CDC42BPB: variants seen among roughly 807,000 people sequenced by gnomAD.
CDC42BPB encodes serine/threonine-protein kinase MRCK beta.
CDC42BPB carries 37 observed loss-of-function variants against 214.9 expected under a neutral mutation model. The observed-to-expected ratio is 0.17, with a 90% confidence interval of 0.13 to 0.23. The LOEUF is 0.23. CDC42BPB is among the 10% of genes least tolerant of loss of function. The pLI, the probability that CDC42BPB is intolerant of heterozygous loss-of-function variation, is 1.00. For missense variants in CDC42BPB, 1,694 were observed against 2,227.0 expected (o/e 0.76, Z 4.82); for synonymous variants, 931 against 884.0 (o/e 1.05, Z -0.94).
At chr14:102,940,571 AGTACAGAT>A in intron 30 of CDC42BPB, 1 of 1,026,892 alleles carries the variant, frequency 9.7e-7, no homozygotes, top group East Asian at 2.8e-5. Flanking sequence ...TGAATACTAC[AGTACAGAT>A]GTTGAAGGTG....
At chr14:103,032,552 A>G (rs1459828000) in intron 1 of CDC42BPB, among the ~76,000 whole-genome samples, 9 of 151,256 alleles carry the variant, frequency 6.0e-5, no homozygotes, top group African/African-American at 1.7e-4. Context: ...AAAAAAAAAA[A>G]AAAAGGAGAG....
At chr14:102,939,187 C>T (rs1891777591) in intron 34 of CDC42BPB, among the ~76,000 whole-genome samples, 1 of 152,186 alleles carries the variant, frequency 6.6e-6, no homozygotes, top group East Asian at 1.9e-4. Flanking sequence ...GATCCGCCCG[C>T]CTCGGCCTCC....
intron 36 of CDC42BPB, 119 bp downstream of exon 36, chr14:102,937,985 A>T: frequency 9.5e-7 from 1 of 1,055,204 alleles, no homozygotes; most frequent in Non-Finnish European, 1.5e-6. Context: ...TCACCCTCAC[A>T]CCGCAAGTGG....
At chr14:103,056,883 G>C in intron 1 of CDC42BPB, 116 bp downstream of exon 1, 2 of 671,536 alleles carry the variant, frequency 3.0e-6, no homozygotes, top group East Asian at 3.5e-5. Context: ...CCACGAGCTG[G>C]GTGGGCAGGA....
At chr14:103,050,701 G>A (rs1888552266) in intron 1 of CDC42BPB, among the ~76,000 whole-genome samples, 1 of 152,130 alleles carries the variant, frequency 6.6e-6, no homozygotes, top group Non-Finnish European at 1.5e-5. Context: ...AGGCTGCAGT[G>A]AGACATGACA....
At chr14:103,028,868 C>A (rs1887192727) in intron 1 of CDC42BPB, among the ~76,000 whole-genome samples, 1 of 152,164 alleles carries the variant, frequency 6.6e-6, no homozygotes, top group South Asian at 2.1e-4. Flanking sequence ...AAAACAAATT[C>A]ATGCCAGGGA....
At chr14:103,034,232 T>A (rs1447722544) in intron 1 of CDC42BPB, among the ~76,000 whole-genome samples, 1 of 152,188 alleles carries the variant, frequency 6.6e-6, no homozygotes, top group African/African-American at 2.4e-5. Flanking sequence ...TTAAAAACAT[T>A]TAAGGCCAGG....
At position 102,944,706 on chromosome 14, in the gene CDC42BPB, C is replaced by T. The variant is rs528268782; in HGVS notation, c.3812-219G>A. The T allele has an allele frequency of 4.1e-5, 40 of 979,880 alleles. No individual in the cohort carries two copies. The highest frequency in any genetic ancestry group is 4.7e-5 in the Non-Finnish European group (39 of 824,936). The allele number at this position is 979,880 out of a possible 1,614,324, so 60.7% of individuals were successfully genotyped here. A position where few individuals can be genotyped will look rare whatever the true frequency, so the allele number is the denominator to read the frequency against. ...AGCTGCCCCACATCCACAGCGCGCTCCTGGGGCAGCCTCGGGGGCTGGTCC... is the reference window on the plus strand; with the variant it reads ...AGCTGCCCCACATCCACAGCGCGCTTCTGGGGCAGCCTCGGGGGCTGGTCC... On this transcript the variant is annotated intron_variant, in intron 29 of 36. Transcript: ENST00000361246. This position sits in a 1 kb window ranked among gnomAD's most constrained non-coding sequence, Gnocchi z 6.6.
chr14:102,939,029 C>T (rs558035518), intron 34 of CDC42BPB, among the ~76,000 whole-genome samples: 14 of 151,598 alleles, frequency 9.2e-5, no homozygotes, highest in Admixed American at 2.6e-4. Flanking sequence ...CTCCGCCTCC[C>T]GGGTTCATGC....
chr14:102,978,293 G>C (rs945278168), intron 8 of CDC42BPB, 88 bp from the exon 9 acceptor site: 1 of 1,579,456 alleles, frequency 6.3e-7, no homozygotes, highest in Non-Finnish European at 8.6e-7. Context: ...ATGGTGACAG[G>C]AGGCACTGGG....
chr14:102,935,284 G>A (rs1308999028), intron 36 of CDC42BPB, among the ~76,000 whole-genome samples: 1 of 151,884 alleles, frequency 6.6e-6, no homozygotes, highest in East Asian at 1.9e-4. Context: ...ACACACACAA[G>A]TCAGTTGTGT....
intron 1 of CDC42BPB, among the ~76,000 whole-genome samples, chr14:103,024,961 A>G (rs1437498922): frequency 6.6e-6 from 1 of 152,156 alleles, no homozygotes; most frequent in African/African-American, 2.4e-5. Flanking sequence ...TAAAATTCAG[A>G]GGCAAAAATT....
At chr14:103,043,784 A>G (rs1202050735) in intron 1 of CDC42BPB, among the ~76,000 whole-genome samples, 2 of 151,996 alleles carry the variant, frequency 1.3e-5, no homozygotes, top group African/African-American at 4.8e-5. Context: ...AAATTTCTCT[A>G]TATTGCTGAC....
At chr14:102,966,842 T>C (rs1420628762) in intron 17 of CDC42BPB, among the ~76,000 whole-genome samples, 2 of 152,038 alleles carry the variant, frequency 1.3e-5, no homozygotes, top group African/African-American at 4.8e-5. Flanking sequence ...CTTCAGTGGG[T>C]TGGTGGGGGC....
chr14:102,945,056 C>G, intron 29 of CDC42BPB: 1 of 327,646 alleles, frequency 3.1e-6, no homozygotes, highest in South Asian at 2.3e-5. Flanking sequence ...CTCGCTTGCT[C>G]AGATCTCCCC....
At chr14:102,966,907 G>C (rs1595475170) in intron 17 of CDC42BPB, 139 bp downstream of exon 17, 1 of 962,026 alleles carries the variant, frequency 1.0e-6, no homozygotes, top group Admixed American at 2.4e-5. Flanking sequence ...GAAGTTCTGG[G>C]GAACAGCAGT....
At position 102,967,154 on chromosome 14, in the gene CDC42BPB, T is replaced by C. The variant is rs371074129; in HGVS notation, c.2363A>G (p.Asp788Gly). 6.2e-6 allele frequency: 10 copies of C among 1,613,946 alleles called. No homozygotes were observed. In the African/African-American group the frequency reaches 1.3e-4, roughly 22 times the overall value. Residue 788 changes from aspartate to glycine, a missense_variant, in exon 17 of 37, where the codon GAT becomes GGT. Asp to Gly is a moderately conservative substitution (Grantham distance 94, BLOSUM62 -1). Transcript: ENST00000361246. ...CTGTCTATTTTGAGCTGTGAGTTTA[T>C]CCACAAAGGAACAGAGCTGAAATGA... The part of the protein sequence containing the change: ...AENEKLCSFV[D>G]KLTAQNRQLE...
rs547906994 is a variant in CDC42BPB, at chr14:102,947,746, C to G, written c.3506G>C (p.Arg1169Pro). The G allele has an allele frequency of 1.2e-6, 2 of 1,612,302 alleles. No homozygotes were observed. Among genetic ancestry groups the G allele is most frequent in the South Asian group, 2.2e-5 (2 of 91,074 alleles). Residue 1169 changes from arginine to proline, a missense_variant, in exon 27 of 37, where the codon CGC becomes CCC. Transcript: ENST00000361246. The part of the protein sequence containing the change: ...VLASDVIHAT[R>P]RDIPCIFRVT... ...CCTGAATATACATGGAATATCTCGG[C>G]GTGTAGCATGAATGACATCTGAGGC...
At position 103,001,397 on chromosome 14, in the gene CDC42BPB, C is replaced by T. The variant is rs1484193096; in HGVS notation, c.448-1684G>A. 6.6e-6 allele frequency among the ~76,000 whole-genome samples: 1 copy of T among 152,184 alleles called. No homozygotes were observed. Among genetic ancestry groups the T allele is most frequent in the Admixed American group, 6.5e-5 (1 of 15,282 alleles). ...GGCAGTGGTGAGCGCCAGCTGACCG[C>T]AGGCCGCCTGGTGAGGTGCCCAGGC... On this transcript the variant is annotated intron_variant, in intron 4 of 36. Transcript: ENST00000361246. This position sits in a 1 kb window ranked among gnomAD's most constrained non-coding sequence, Gnocchi z 5.8.
Sources: allele counts gnomAD v4.1 joint callset (sites outside exome capture counted in the v4.1 genomes callset), GRCh38; gene constraint gnomAD v4.1.1; non-coding constraint Gnocchi (gnomAD v3.1); transcripts MANE v1.5; gene names NCBI Gene and HGNC (gene_info 2026-07-23, HGNC 2026-07-21).